The following PIK3C2G variants were observed in gnomAD, a reference collection of about 807,000 sequenced individuals.
The protein encoded by PIK3C2G is phosphatidylinositol 3-kinase C2 domain-containing subunit gamma.
A neutral mutation model predicts 181.1 loss-of-function variants in PIK3C2G; 168 were observed. The ratio of observed to expected loss-of-function variants is 0.93; its 90% CI spans 0.82 to 1.05. The LOEUF (loss-of-function observed/expected upper bound fraction) is 1.05, where lower values mean the gene tolerates loss of function less well. Ranked by LOEUF, PIK3C2G falls within the 50% of genes least tolerant of loss-of-function variation. The probability of loss-of-function intolerance (pLI) is 0.00; values close to 1 mark genes in which losing one functional copy is unlikely to be tolerated. For synonymous variants in PIK3C2G, 573 were observed against 592.2 expected, an observed-to-expected ratio of 0.97 and a Z score of 0.47; for missense variants, 1,869 against 1,732.8, an observed-to-expected ratio of 1.08 and a Z score of -1.40.
intron 5 of PIK3C2G, among the ~76,000 whole-genome samples, chr12:18,311,094 C>T (rs897780738): frequency 6.6e-6 from 1 of 151,484 alleles, no homozygotes; most frequent in Non-Finnish European, 1.5e-5. Flanking sequence ...GAATATATTC[C>T]TATAATGTAA....
At chr12:18,592,710 T>C (rs1204798890) in intron 29 of PIK3C2G, among the ~76,000 whole-genome samples, 7 of 151,930 alleles carry the variant, frequency 4.6e-5, no homozygotes, top group Non-Finnish European at 8.8e-5. Flanking sequence ...TTTTGGGTGG[T>C]TTGACTCACC....
At chr12:18,365,473 C>T (rs1348470154) in intron 12 of PIK3C2G, among the ~76,000 whole-genome samples, 1 of 152,188 alleles carries the variant, frequency 6.6e-6, no homozygotes, top group Non-Finnish European at 1.5e-5. Context: ...ACCTTCATGA[C>T]TGAATCCAAT....
intron 5 of PIK3C2G, among the ~76,000 whole-genome samples, chr12:18,308,497 A>G (rs1170195755): frequency 2.8e-5 from 3 of 105,720 alleles, no homozygotes; most frequent in African/African-American, 1.0e-4. Context: ...GCTCTAAAAT[A>G]TAGTAAAAAA....
At chr12:18,307,156 A>G (rs928675969) in intron 5 of PIK3C2G, among the ~76,000 whole-genome samples, 4 of 149,770 alleles carry the variant, frequency 2.7e-5, no homozygotes, top group Admixed American at 2.0e-4. Context: ...TTATATAAAC[A>G]TATTGCCTCA....
intron 18 of PIK3C2G, among the ~76,000 whole-genome samples, chr12:18,435,064 A>G (rs2135786887): frequency 6.6e-6 from 1 of 152,062 alleles, no homozygotes; most frequent in Admixed American, 6.6e-5. Context: ...ATCTCAGCTC[A>G]AGAAATTCAA....
chr12:18,292,227 A>AAAAAAAAAAAATATATATATAT, intron 4 of PIK3C2G, among the ~76,000 whole-genome samples: 4 of 48,734 alleles, frequency 8.2e-5, no homozygotes, highest in African/African-American at 1.1e-4. Flanking sequence ...AAAAAAAAAA[A>AAAAAAAAAAAATATATATATAT]ATATATATAT....
intron 11 of PIK3C2G, among the ~76,000 whole-genome samples, chr12:18,362,062 C>G (rs117712817): frequency 6.6e-6 from 1 of 152,002 alleles, no homozygotes; most frequent in Non-Finnish European, 1.5e-5. Flanking sequence ...GAAACTAGTC[C>G]TTCTGATAGT....
chr12:18,704,435 C>T, the PIK3C2G span, among the ~76,000 whole-genome samples: 1 of 152,144 alleles, frequency 6.6e-6, no homozygotes, highest in African/African-American at 2.4e-5. Flanking sequence ...AAGCGATTCT[C>T]CTGCCTCAGT....
intron 10 of PIK3C2G, among the ~76,000 whole-genome samples, chr12:18,343,725 G>A (rs1939376693): frequency 6.6e-6 from 1 of 152,052 alleles, no homozygotes; most frequent in Non-Finnish European, 1.5e-5. Flanking sequence ...AGAAAAATTA[G>A]AAAAGTAGTA....
chr12:18,409,168 T>C lies in PIK3C2G; in HGVS notation c.2315+9321T>C, dbSNP rs552289951. ...AACCCAAAGGCCCATCAATGATAGA[T>C]TAGATAAAGAAAATGAGGCACATAT... On this transcript the variant is annotated intron_variant, in intron 16 of 32. Coordinates refer to ENST00000538779, the MANE Select transcript of PIK3C2G (RefSeq NM_001288772.2). Among the ~76,000 whole-genome samples the C allele has an allele frequency of 2.0e-3, 302 of 152,062 alleles. 3 individuals are homozygous for C. In the Middle Eastern group the frequency reaches 0.031, roughly 15 times the overall value.
At chr12:18,280,928 T>G (rs956274212) in intron 1 of PIK3C2G, among the ~76,000 whole-genome samples, 1 of 151,924 alleles carries the variant, frequency 6.6e-6, no homozygotes, top group Non-Finnish European at 1.5e-5. Flanking sequence ...TTATTGGATA[T>G]AGAAGAAGAA....
intron 22 of PIK3C2G, among the ~76,000 whole-genome samples, chr12:18,500,472 C>T (rs1171068873): frequency 6.6e-6 from 1 of 152,178 alleles, no homozygotes; most frequent in Non-Finnish European, 1.5e-5. Flanking sequence ...CCTACGAGCG[C>T]GGCCCCCTGC....
intron 1 of PIK3C2G, among the ~76,000 whole-genome samples, chr12:18,250,078 A>G (rs972798090): frequency 2.4e-4 from 36 of 152,170 alleles, no homozygotes; most frequent in African/African-American, 8.7e-4. Context: ...GAAAAATCTG[A>G]TTTTCTCCTG....
intron 29 of PIK3C2G, 111 bp from the exon 30 acceptor site, chr12:18,594,383 C>A (rs1030455603): frequency 1.6e-5 from 10 of 607,590 alleles, no homozygotes; most frequent in African/African-American, 1.4e-4. Context: ...TTTGTAGAAT[C>A]TATAACAGGT....
chr12:18,562,767 C>G lies in PIK3C2G; in HGVS notation c.3655C>G (p.Gln1219Glu), dbSNP rs759309566. The change falls in exon 27 of 33, where the codon CAA (glutamine) becomes GAA (glutamate). Residue 1219 changes from glutamine to glutamate, a missense_variant. By Grantham distance (29) the Gln-to-Glu change is conservative. Transcript: ENST00000538779. ...KLNNLIHTLA[Q>E]MSAISPAKST... ...GAATAACTTGATCCACACACTTGCA[C>G]AAATGTCAGCCATAAGCCCTGCCAA... 6.2e-7 allele frequency: 1 copy of G among 1,607,326 alleles called. No homozygotes were observed. Among genetic ancestry groups the G allele is most frequent in the African/African-American group, 1.3e-5 (1 of 74,852 alleles).
chr12:18,390,004 G>A (rs1319388622), intron 14 of PIK3C2G, among the ~76,000 whole-genome samples: 3 of 152,030 alleles, frequency 2.0e-5, no homozygotes, highest in Non-Finnish European at 4.4e-5. Context: ...CCCCTCTAAG[G>A]TACCAAAGTT....
chr12:18,355,818 T>C (rs533571478), intron 11 of PIK3C2G, among the ~76,000 whole-genome samples: 9 of 152,342 alleles, frequency 5.9e-5, no homozygotes, highest in East Asian at 3.9e-4. Context: ...GTTGCATATC[T>C]GATGGCTGGA....
At position 18,310,693 on chromosome 12, in the gene PIK3C2G, G is replaced by T. The variant is rs149633666; in HGVS notation, c.1035-3269G>T. The stretch of plus-strand genomic sequence containing the variant: ...TAAAAATATGTTTATGAATGTCAAG[G>T]CTCTAAAGATAAATAGAGAAAGAAG... On this transcript the variant is annotated intron_variant, in intron 5 of 32. Transcript: ENST00000538779. Among the ~76,000 whole-genome samples, 339 of 151,758 alleles carry T rather than the reference G, an allele frequency of 2.2e-3. 3 individuals carry two copies. Among genetic ancestry groups the T allele is most frequent in the African/African-American group, 7.8e-3 (325 of 41,456 alleles).
intron 29 of PIK3C2G, among the ~76,000 whole-genome samples, chr12:18,592,229 A>G (rs772925828): frequency 6.6e-6 from 1 of 151,874 alleles, no homozygotes. Flanking sequence ...TTACCCAGAA[A>G]GGATACATTA....
Sources: allele counts gnomAD v4.1 joint callset (sites outside exome capture counted in the v4.1 genomes callset), GRCh38; gene constraint gnomAD v4.1.1; transcripts MANE v1.5; gene names NCBI Gene and HGNC (gene_info 2026-07-23, HGNC 2026-07-21).